KCND2: variants seen among roughly 807,000 people sequenced by gnomAD.
KCND2 encodes the protein A-type voltage-gated potassium channel KCND2.
Under a neutral mutation model 54.4 loss-of-function variants are expected in KCND2, and 16 were observed. That is an observed-to-expected ratio of 0.29 (90% CI 0.20 to 0.45). The LOEUF is 0.45. KCND2 is among the 20% of genes least tolerant of loss of function. The probability of loss-of-function intolerance (pLI) is 1.00; values close to 1 mark genes in which losing one functional copy is unlikely to be tolerated. For synonymous variants in KCND2, 317 were observed against 310.7 expected, an observed-to-expected ratio of 1.02 and a Z score of -0.21; for missense variants, 486 against 824.2, an observed-to-expected ratio of 0.59 and a Z score of 5.02.
At chr7:120,581,513 A>G (rs1221179544) in intron 1 of KCND2, among the ~76,000 whole-genome samples, 6 of 152,214 alleles carry the variant, frequency 3.9e-5, no homozygotes. Flanking sequence ...AGATAGTAAA[A>G]GAGGGATAGA....
intron 1 of KCND2, among the ~76,000 whole-genome samples, chr7:120,475,529 A>C (rs1802521910): frequency 6.6e-6 from 1 of 152,166 alleles, no homozygotes; most frequent in South Asian, 2.1e-4. Flanking sequence ...GTTCACACCA[A>C]TCCTGTTGGT....
chr7:120,506,059 T>C (rs1803012279), intron 1 of KCND2, among the ~76,000 whole-genome samples: 1 of 151,746 alleles, frequency 6.6e-6, no homozygotes, highest in African/African-American at 2.4e-5. Flanking sequence ...TTTAAACCAT[T>C]TAAGGAAAAA....
intron 5 of KCND2, among the ~76,000 whole-genome samples, chr7:120,746,256 T>C (rs905026728): frequency 1.3e-5 from 2 of 152,190 alleles, no homozygotes; most frequent in African/African-American, 4.8e-5. Context: ...GAAGAGATGA[T>C]TGAGTGCACA....
intron 1 of KCND2, among the ~76,000 whole-genome samples, chr7:120,623,055 AG>A (rs1370968497): frequency 6.6e-6 from 1 of 152,220 alleles, no homozygotes; most frequent in Admixed American, 6.5e-5. Context: ...AATGTCAAAA[AG>A]TTTAAACAAA....
intron 1 of KCND2, among the ~76,000 whole-genome samples, chr7:120,315,898 A>G (rs1210772983): frequency 2.0e-5 from 3 of 151,718 alleles, no homozygotes; most frequent in Admixed American, 2.0e-4. Context: ...AAGGTGATTG[A>G]ATCTTTAGGT....
At chr7:120,595,221 A>T (rs1293589641) in intron 1 of KCND2, among the ~76,000 whole-genome samples, 1 of 151,262 alleles carries the variant, frequency 6.6e-6, no homozygotes, top group Non-Finnish European at 1.5e-5. Context: ...GGAGGCCGAG[A>T]CGGGCAAATC....
intron 1 of KCND2, among the ~76,000 whole-genome samples, chr7:120,464,261 C>T (rs940187014): frequency 2.0e-5 from 3 of 151,194 alleles, no homozygotes; most frequent in Non-Finnish European, 4.4e-5. Context: ...TCCAGAGATC[C>T]AAGACAATAA....
chr7:120,699,896 T>C (rs1792379120), intron 1 of KCND2, among the ~76,000 whole-genome samples: 1 of 152,188 alleles, frequency 6.6e-6, no homozygotes, highest in South Asian at 2.1e-4. Context: ...ACCCTTGATA[T>C]ACATGTTTAT....
rs549931417 is a variant in KCND2 at position 120,343,736 on chromosome 7, G to A, written c.1115+67989G>A. ...TTTAATTAAGAGGTTTATAGCAAAT[G>A]CATTTATAATACTAAGTTCTACAGT... On this transcript the variant is annotated intron_variant, in intron 1 of 5. Coordinates refer to ENST00000331113, the MANE Select transcript of KCND2 (RefSeq NM_012281.3). 3.9e-5 allele frequency among the ~76,000 whole-genome samples: 6 copies of A among 152,234 alleles called. No homozygotes were observed. In the South Asian group the frequency reaches 1.2e-3, roughly 32 times the overall value.
intron 1 of KCND2, among the ~76,000 whole-genome samples, chr7:120,727,088 A>G (rs1010302578): frequency 6.6e-6 from 1 of 152,202 alleles, no homozygotes; most frequent in Non-Finnish European, 1.5e-5. Context: ...TGCCTCATAT[A>G]ACATTTGTAC....
At chr7:120,351,244 G>GTATA (rs3067025) in intron 1 of KCND2, among the ~76,000 whole-genome samples, 66,396 of 137,034 alleles carry the variant, frequency 0.48, 18,050 homozygotes, top group South Asian at 0.7. Context: ...TTATATGTGT[G>GTATA]TATATATATA....
At chr7:120,740,481 C>A (rs1792926858) in intron 2 of KCND2, among the ~76,000 whole-genome samples, 1 of 152,092 alleles carries the variant, frequency 6.6e-6, no homozygotes, top group African/African-American at 2.4e-5. Flanking sequence ...GTTTTACATA[C>A]ACTTGCTAGC....
At chr7:120,569,688 C>T (rs1792339392) in intron 1 of KCND2, among the ~76,000 whole-genome samples, 1 of 151,984 alleles carries the variant, frequency 6.6e-6, no homozygotes, top group African/African-American at 2.4e-5. Context: ...TAAAAAAAGC[C>T]TGAGTCAGAG....
At chr7:120,294,711 T>C (rs1799483640) in intron 1 of KCND2, among the ~76,000 whole-genome samples, 1 of 151,832 alleles carries the variant, frequency 6.6e-6, no homozygotes, top group Admixed American at 6.6e-5. Flanking sequence ...ATCATTAATG[T>C]GACATAGATT....
chr7:120,486,496 C>T (rs1049131825), intron 1 of KCND2, among the ~76,000 whole-genome samples: 4 of 151,936 alleles, frequency 2.6e-5, no homozygotes. Context: ...TAGCCAGCCA[C>T]CAAGGGTACA....
chr7:120,359,680 T>C (rs1800565063), intron 1 of KCND2, among the ~76,000 whole-genome samples: 1 of 152,124 alleles, frequency 6.6e-6, no homozygotes, highest in Non-Finnish European at 1.5e-5. Context: ...CAAAAAGCTT[T>C]TGAGCAGGGG....
At chr7:120,416,742 G>A (rs943667063) in intron 1 of KCND2, among the ~76,000 whole-genome samples, 2 of 135,786 alleles carry the variant, frequency 1.5e-5, no homozygotes, top group Non-Finnish European at 3.1e-5. Context: ...AGATACAAGG[G>A]AAAGAAACTC....
At chr7:120,674,711 G>A (rs1468541658) in intron 1 of KCND2, among the ~76,000 whole-genome samples, 1 of 152,162 alleles carries the variant, frequency 6.6e-6, no homozygotes, top group East Asian at 1.9e-4. Flanking sequence ...GGCATGTCTA[G>A]TTAGTTCTGC....
At chr7:120,611,598 T>G (rs1344444674) in intron 1 of KCND2, among the ~76,000 whole-genome samples, 1 of 152,154 alleles carries the variant, frequency 6.6e-6, no homozygotes, top group Non-Finnish European at 1.5e-5. Flanking sequence ...CTGATTGAAT[T>G]GGTGAGATTA....
Sources: allele counts gnomAD v4.1 joint callset (sites outside exome capture counted in the v4.1 genomes callset), GRCh38; gene constraint gnomAD v4.1.1; transcripts MANE v1.5; gene names NCBI Gene and HGNC (gene_info 2026-07-23, HGNC 2026-07-21).